Variants in MTCP1 observed in about 807,000 individuals in gnomAD.
MTCP1 encodes the protein mature T cell proliferation 1.
A neutral mutation model predicts 10.6 loss-of-function variants in MTCP1; 2 were observed. The observed-to-expected ratio is 0.19, with a 90% CI of 0.08 to 0.59. The LOEUF (loss-of-function observed/expected upper bound fraction) is 0.59, where lower values mean the gene tolerates loss of function less well. Ranked by LOEUF, MTCP1 falls within the 20% of genes least tolerant of loss-of-function variation. The pLI is 0.90. For synonymous variants in MTCP1, 29 were observed against 34.4 expected, an observed-to-expected ratio of 0.84 and a Z score of 0.55; for missense variants, 33 against 91.5, an observed-to-expected ratio of 0.36 and a Z score of 2.61.
chrX:155,070,505 G>A (rs2073968967), intron 1 of MTCP1, among the ~76,000 whole-genome samples, 189 bp downstream of exon 1: 1 of 111,540 alleles, frequency 9.0e-6, no homozygotes, highest in Non-Finnish European at 1.9e-5. Context: ...GAGACCCGAG[G>A]AAACTTGCAT....
At position 155,065,042 on chromosome X, in the gene MTCP1, T is replaced by A. The variant is rs887164364; in HGVS notation, c.*362A>T. 8 of 134,821 alleles carry A rather than the reference T, an allele frequency of 5.9e-5. No individual in the cohort carries two copies. The highest frequency in any genetic ancestry group is 4.3e-4 in the East Asian group (2 of 4,650). 11.1% of individuals were successfully genotyped at this position (134,821 alleles called of 1,213,427 possible). On this transcript the variant is annotated 3_prime_UTR_variant, in exon 5 of 5. Transcript: ENST00000369476. ...CTCTTCTCTCTAAATCAGTACCAAG[T>A]CCTTGGTGATCAGGGCATCTGTTCT...
At chrX:155,066,922 T>C (rs1557292064) in intron 1 of MTCP1, among the ~76,000 whole-genome samples, 1 of 111,953 alleles carries the variant, frequency 8.9e-6, no homozygotes, top group Non-Finnish European at 1.9e-5. Context: ...TAGGGCAAAC[T>C]CTATAACGAT....
chrX:155,067,609 T>C (rs1241023668), intron 1 of MTCP1, among the ~76,000 whole-genome samples: 2 of 112,478 alleles, frequency 1.8e-5, no homozygotes, highest in Admixed American at 1.9e-4. Context: ...ATGAAAACTT[T>C]AGAAAATTCT....
At position 155,070,906 on chromosome X, in the gene MTCP1, G is replaced by T. The variant is rs1332419750; in HGVS notation, c.-260C>A. The T allele has an allele frequency of 8.9e-6, 1 of 112,638 alleles. No individual in the cohort carries two copies. Among genetic ancestry groups the T allele is most frequent in the Non-Finnish European group, 1.9e-5 (1 of 53,229 alleles). 9.3% of individuals were successfully genotyped at this position (112,638 alleles called of 1,213,427 possible). On this transcript the variant is annotated 5_prime_UTR_variant, in exon 1 of 5. Coordinates refer to ENST00000369476, the MANE Select transcript of MTCP1 (RefSeq NM_001018025.4). ...CAGGGAGAGTTGTACGAGATTCGGG[G>T]GCTGTGACTTGGAAATAAAACAAAA...
In MTCP1 at chrX:155,064,641, T is replaced by C. The variant is rs1426681465; in HGVS notation, c.*763A>G. 2 of 112,310 alleles carry C rather than the reference T, an allele frequency of 1.8e-5. No individual in the cohort carries two copies. The highest frequency in any genetic ancestry group is 1.9e-4 in the Admixed American group (2 of 10,595). 9.3% of individuals were successfully genotyped at this position (112,310 alleles called of 1,213,427 possible). A position where few individuals can be genotyped will look rare whatever the true frequency, so the allele number is the denominator to read the frequency against. Reference sequence around the variant, plus strand: ...TAGGAATCAGCAATATTTGGTGTTATTACTTCCTGAGAAAGGTGCCAGTTA... The same window carrying C: ...TAGGAATCAGCAATATTTGGTGTTACTACTTCCTGAGAAAGGTGCCAGTTA... On this transcript the variant is annotated 3_prime_UTR_variant, in exon 5 of 5. Transcript: ENST00000369476.
chrX:155,064,151 T>C lies in MTCP1; in HGVS notation c.*1253A>G. The C allele has an allele frequency of 1.2e-5, 5 of 427,545 alleles. No individual in the cohort carries two copies. The highest frequency in any genetic ancestry group is 2.0e-5 in the Non-Finnish European group (5 of 253,580). 35.2% of individuals were successfully genotyped at this position (427,545 alleles called of 1,213,427 possible). ...TGCCCTTACAATTGCTGGAAAATAA[T>C]TACACTAAAAATACTCTTCCCAAAC... On this transcript the variant is annotated 3_prime_UTR_variant, in exon 5 of 5. Coordinates refer to ENST00000369476, the MANE Select transcript of MTCP1 (RefSeq NM_001018025.4).
In MTCP1 at chrX:155,065,784, C is replaced by T. The variant is rs782118865; in HGVS notation, c.111G>A (p.Thr37=). The T allele has an allele frequency of 3.3e-6, 4 of 1,209,847 alleles. No homozygotes were observed. The highest frequency in any genetic ancestry group is 3.4e-6 in the Non-Finnish European group (3 of 894,269). The change falls in exon 3 of 5, where the codon ACG becomes ACA. Residue 37 remains threonine, a synonymous_variant. Transcript: ENST00000369476. ...GCTGGACTCGTGCCCTTAGGAAACT[C>T]GTCTCCTAATGGAAAGGAATGATCA... The part of the protein sequence containing the change: ...RTWVAVVEEE[T]SFLRARVQQI...
chrX:155,067,810 G>A lies in MTCP1; in HGVS notation c.-47-1753C>T, dbSNP rs2073954429. 4.5e-5 allele frequency among the ~76,000 whole-genome samples: 5 copies of A among 112,205 alleles called. No individual in the cohort carries two copies. In the Admixed American group the frequency reaches 4.7e-4, roughly 11 times the overall value. On this transcript the variant is annotated intron_variant, in intron 1 of 4. Transcript: ENST00000369476. Reference sequence around the variant, plus strand: ...AATGTTTCAGTGAACAGGTGTATATGTATGGTGGGTAGGGAAGGGAAACAA... The same window carrying A: ...AATGTTTCAGTGAACAGGTGTATATATATGGTGGGTAGGGAAGGGAAACAA...
chrX:155,069,461 G>A (rs2073961237), intron 1 of MTCP1, among the ~76,000 whole-genome samples: 1 of 112,002 alleles, frequency 8.9e-6, no homozygotes, highest in South Asian at 3.7e-4. Flanking sequence ...TCTTTATTTA[G>A]CATTTCCTAT....
chrX:155,066,066 C>T lies in MTCP1; in HGVS notation c.-47-9G>A. ...CTTTTCTCCACCTAAGCCTGCAGCA[C>T]CCGCGCACAGGACACAGGTGTGACT... On this transcript the variant is annotated splice_polypyrimidine_tract_variant and intron_variant, in intron 1 of 4. Transcript: ENST00000369476. 1.0e-6 allele frequency: 1 copy of T among 986,719 alleles called. No homozygotes were observed. The highest frequency in any genetic ancestry group is 1.4e-6 in the Non-Finnish European group (1 of 697,194). 81.3% of individuals were successfully genotyped at this position (986,719 alleles called of 1,213,427 possible). A position where few individuals can be genotyped will look rare whatever the true frequency, so the allele number is the denominator to read the frequency against.
At chrX:155,067,940 C>CT (rs1279295608) in intron 1 of MTCP1, among the ~76,000 whole-genome samples, 1 of 112,526 alleles carries the variant, frequency 8.9e-6, no homozygotes, top group South Asian at 3.7e-4. Flanking sequence ...CAAAGCCCCC[C>CT]TTTTTTCCCA....
chrX:155,069,433 A>T (rs1220967103), intron 1 of MTCP1, among the ~76,000 whole-genome samples: 2 of 112,435 alleles, frequency 1.8e-5, no homozygotes, highest in Non-Finnish European at 3.8e-5. Context: ...GAATTAAAGA[A>T]CATATTAATC....
At chrX:155,065,451 G>C in intron 4 of MTCP1, 35 bp downstream of exon 4, 1 of 1,168,047 alleles carries the variant, frequency 8.6e-7, no homozygotes, top group Non-Finnish European at 1.2e-6. Context: ...CCAAAACAAA[G>C]AGGGGGAGGA....
chrX:155,066,188 A>T (rs868911514), intron 1 of MTCP1, 131 bp from the exon 2 acceptor site: 2 of 415,219 alleles, frequency 4.8e-6, no homozygotes, highest in Middle Eastern at 6.6e-4. Context: ...CACAACCTAA[A>T]TAGAACCAAG....
chrX:155,069,474 G>A (rs1432283446), intron 1 of MTCP1, among the ~76,000 whole-genome samples: 4 of 111,933 alleles, frequency 3.6e-5, no homozygotes, highest in African/African-American at 1.3e-4. Context: ...TTTCCTATAT[G>A]TTTACATATA....
Position 155,065,375 on chromosome X carries a change from G to T in MTCP1, c.*29C>A. The T allele has an allele frequency of 1.5e-6, 1 of 689,462 alleles. No individual in the cohort carries two copies. Among genetic ancestry groups the T allele is most frequent in the Non-Finnish European group, 2.3e-6 (1 of 438,423 alleles). The allele number at this position is 689,462 out of a possible 1,213,427, so 56.8% of individuals were successfully genotyped here. A position where few individuals can be genotyped will look rare whatever the true frequency, so the allele number is the denominator to read the frequency against. On this transcript the variant is annotated 3_prime_UTR_variant, in exon 5 of 5. Coordinates refer to ENST00000369476, the MANE Select transcript of MTCP1 (RefSeq NM_001018025.4). ...GCCAAATACTGAACAGAACAAAGGA[G>T]CATATCTTCGTAGAATCCCAGCACC...
chrX:155,066,114 C>G (rs1373332811), intron 1 of MTCP1, 57 bp from the exon 2 acceptor site: 3 of 578,210 alleles, frequency 5.2e-6, no homozygotes, highest in Middle Eastern at 5.3e-4. Flanking sequence ...ATGAACTCAC[C>G]AGTAAGCAAG....
intron 1 of MTCP1, among the ~76,000 whole-genome samples, chrX:155,068,215 T>C (rs782580508): frequency 7.1e-5 from 8 of 112,287 alleles, no homozygotes; most frequent in Admixed American, 3.8e-4. Context: ...GAAAACAAAA[T>C]TGCATTGGTT....
rs2073972861 is a variant in MTCP1, at chrX:155,071,081, G to A, written c.-435C>T. On this transcript the variant is annotated 5_prime_UTR_variant, in exon 1 of 5. Transcript: ENST00000369476. ...GTCTCCTTAGCGGGCGGGCAAAATG[G>A]GCGCCGGTACTCGGGAGGCGCCTGC... 9.0e-6 allele frequency: 1 copy of A among 111,579 alleles called. No homozygotes were observed. Among genetic ancestry groups the A allele is most frequent in the Admixed American group, 9.3e-5 (1 of 10,754 alleles). 9.2% of individuals were successfully genotyped at this position (111,579 alleles called of 1,213,427 possible).
Sources: gnomAD v4.1 joint callset for allele counts (sites outside exome capture counted in the v4.1 genomes callset) on GRCh38, gnomAD v4.1.1 for gene constraint, MANE v1.5 for transcripts, NCBI Gene and HGNC (gene_info 2026-07-23, HGNC 2026-07-21) for gene names.